LRMDA: variants seen among roughly 807,000 people sequenced by gnomAD.
The protein encoded by LRMDA is leucine-rich melanocyte differentiation-associated protein.
In LRMDA, 18 loss-of-function variants were observed where a neutral mutation model predicts 29.8. The observed-to-expected ratio is 0.60, with a 90% confidence interval of 0.42 to 0.90. LRMDA has a LOEUF of 0.90. Among genes scored for constraint, LRMDA ranks in the 40% least tolerant of loss-of-function variants. The pLI, the probability that LRMDA is intolerant of heterozygous loss-of-function variation, is 0.00. For missense variants in LRMDA, 273 were observed against 273.9 expected (o/e 1.00, Z 0.02); for synonymous variants, 125 against 109.4 (o/e 1.14, Z -0.89).
intron 2 of LRMDA, among the ~76,000 whole-genome samples, chr10:75,950,742 C>T (rs72813507): frequency 0.019 from 2,968 of 152,336 alleles, 52 homozygotes; most frequent in Middle Eastern, 0.041. Context: ...CCCTATTCTT[C>T]CTCCCTATCA....
At chr10:76,424,680 A>T (rs1842105638) in intron 6 of LRMDA, among the ~76,000 whole-genome samples, 2 of 152,378 alleles carry the variant, frequency 1.3e-5, no homozygotes, top group Admixed American at 6.5e-5. Context: ...AGTGGGTGAT[A>T]TCATTACCCA....
chr10:76,111,813 G>C (rs1217587316), intron 5 of LRMDA, among the ~76,000 whole-genome samples: 2 of 152,120 alleles, frequency 1.3e-5, no homozygotes, highest in Admixed American at 6.5e-5. Context: ...TGGGGGTGGG[G>C]GGGGGCGCAT....
chr10:75,896,769 A>G (rs1845589179), intron 2 of LRMDA, among the ~76,000 whole-genome samples: 1 of 151,774 alleles, frequency 6.6e-6, no homozygotes. Context: ...CTTACTTGGG[A>G]CCTGTACTGA....
At chr10:75,634,826 G>A (rs1841371267) in intron 2 of LRMDA, among the ~76,000 whole-genome samples, 1 of 152,132 alleles carries the variant, frequency 6.6e-6, no homozygotes, top group African/African-American at 2.4e-5. Context: ...GGGTGGATAT[G>A]TCTCATTTCC....
intron 5 of LRMDA, among the ~76,000 whole-genome samples, chr10:76,310,965 T>A (rs1421025335): frequency 1.3e-5 from 2 of 152,218 alleles, no homozygotes; most frequent in Non-Finnish European, 2.9e-5. Context: ...TTCATTTGCC[T>A]CTTGCAAAGA....
intron 2 of LRMDA, among the ~76,000 whole-genome samples, chr10:76,001,078 T>A (rs1223672753): frequency 6.6e-6 from 1 of 152,154 alleles, no homozygotes; most frequent in Non-Finnish European, 1.5e-5. Context: ...TGATTCCTGA[T>A]CTGATGCTTT....
intron 2 of LRMDA, among the ~76,000 whole-genome samples, chr10:75,817,784 A>G (rs1844086444): frequency 6.6e-6 from 1 of 152,226 alleles, no homozygotes; most frequent in Non-Finnish European, 1.5e-5. Context: ...GGAGAACCAG[A>G]GGGAACTTGT....
chr10:75,779,650 G>A (rs929978656), intron 2 of LRMDA, among the ~76,000 whole-genome samples: 1 of 152,172 alleles, frequency 6.6e-6, no homozygotes, highest in East Asian at 1.9e-4. Context: ...ACACCACAAG[G>A]CTTCGTTTCT....
At chr10:75,804,083 C>T (rs1843806222) in intron 2 of LRMDA, among the ~76,000 whole-genome samples, 1 of 152,194 alleles carries the variant, frequency 6.6e-6, no homozygotes, top group African/African-American at 2.4e-5. Flanking sequence ...GTTGGAAAGG[C>T]ACTCAGTAAG....
intron 5 of LRMDA, among the ~76,000 whole-genome samples, chr10:76,085,119 C>T (rs546215288): frequency 6.6e-6 from 1 of 152,260 alleles, no homozygotes; most frequent in South Asian, 2.1e-4. Context: ...AAAGAATATG[C>T]TCATTATATC....
At chr10:76,348,937 A>G (rs1841141663) in intron 6 of LRMDA, among the ~76,000 whole-genome samples, 1 of 152,236 alleles carries the variant, frequency 6.6e-6, no homozygotes, top group African/African-American at 2.4e-5. Context: ...TAAGGCTTGC[A>G]CAAAGGAGTG....
chr10:76,502,721 T>G (rs1842922715), intron 6 of LRMDA, among the ~76,000 whole-genome samples: 1 of 151,924 alleles, frequency 6.6e-6, no homozygotes, highest in Non-Finnish European at 1.5e-5. Context: ...ATCCTGAAAC[T>G]TTACTACAAT....
chr10:76,363,794 G>A (rs1331788739), intron 6 of LRMDA, among the ~76,000 whole-genome samples: 3 of 152,034 alleles, frequency 2.0e-5, no homozygotes, highest in East Asian at 1.9e-4. Context: ...CAAAATGACC[G>A]TAACTACGTT....
chr10:76,125,457 A>C (rs1446444992), intron 5 of LRMDA, among the ~76,000 whole-genome samples: 1 of 152,222 alleles, frequency 6.6e-6, no homozygotes, highest in Non-Finnish European at 1.5e-5. Flanking sequence ...TGGAAGTTGC[A>C]TGTACTAATT....
chr10:75,999,129 G>A (rs935918244), intron 2 of LRMDA, among the ~76,000 whole-genome samples: 1 of 152,188 alleles, frequency 6.6e-6, no homozygotes, highest in African/African-American at 2.4e-5. Context: ...TCACACAGCT[G>A]GTGGGACTGT....
intron 2 of LRMDA, among the ~76,000 whole-genome samples, chr10:75,645,812 A>G (rs1354387301): frequency 6.6e-6 from 1 of 152,150 alleles, no homozygotes; most frequent in Non-Finnish European, 1.5e-5. Context: ...GAGAGTCTCC[A>G]CTTGCCTTTC....
chr10:75,752,036 T>TAC (rs753417522), intron 2 of LRMDA, among the ~76,000 whole-genome samples: 22 of 149,362 alleles, frequency 1.5e-4, no homozygotes, highest in African/African-American at 5.1e-4. Flanking sequence ...AATAAATAAA[T>TAC]ATATATATAT....
At chr10:75,864,943 T>G (rs1350718273) in intron 2 of LRMDA, among the ~76,000 whole-genome samples, 1 of 152,154 alleles carries the variant, frequency 6.6e-6, no homozygotes, top group East Asian at 1.9e-4. Context: ...TTCCAGAGCC[T>G]TTCAGAATGA....
chr10:75,955,901 T>G (rs534027117), intron 2 of LRMDA, among the ~76,000 whole-genome samples: 19 of 152,324 alleles, frequency 1.2e-4, no homozygotes, highest in African/African-American at 4.6e-4. Context: ...GAGTATGTCT[T>G]TATTTTTAAT....
Sources: gnomAD v4.1 joint callset for allele counts (sites outside exome capture counted in the v4.1 genomes callset) on GRCh38, gnomAD v4.1.1 for gene constraint, MANE v1.5 for transcripts, NCBI Gene and HGNC (gene_info 2026-07-23, HGNC 2026-07-21) for gene names.